THAP11: variants seen among roughly 807,000 people sequenced by gnomAD.
THAP11 encodes the protein THAP domain containing 11.
In THAP11, 8 loss-of-function variants were observed where a neutral mutation model predicts 24.1. That is an observed-to-expected ratio of 0.33 (90% CI 0.20 to 0.60). The LOEUF (loss-of-function observed/expected upper bound fraction) is 0.60. Ranked by LOEUF, THAP11 falls within the 20% of genes least tolerant of loss-of-function variation. THAP11 has a pLI of 0.82. For synonymous variants in THAP11, 222 were observed against 180.2 expected, an observed-to-expected ratio of 1.23 and a Z score of -1.86; for missense variants, 276 against 418.4, an observed-to-expected ratio of 0.66 and a Z score of 2.97.
In THAP11 at chr16:67,843,685, G is replaced by A. The variant is rs2057780211; in HGVS notation, c.*186G>A. 4 of 606,542 alleles carry A rather than the reference G, an allele frequency of 6.6e-6. No individual in the cohort carries two copies. Among genetic ancestry groups the A allele is most frequent in the Non-Finnish European group, 1.2e-5 (4 of 343,712 alleles). The allele number at this position is 606,542 out of a possible 1,614,324, so 37.6% of individuals were successfully genotyped here. The stretch of plus-strand genomic sequence containing the variant: ...TCCTGAAGTGGAAGCTGGGGCCTTA[G>A]ACTCTGCCCTGGTGACACCAGCAAT... On this transcript the variant is annotated 3_prime_UTR_variant, in exon 1 of 1. Transcript: ENST00000303596. This position sits in a 1 kb window ranked among gnomAD's most constrained non-coding sequence, Gnocchi z 5.7.
rs28434205 is a variant in THAP11 at position 67,842,902 on chromosome 16, A to C, written c.348A>C (p.Gln116His). 15 of 1,583,074 alleles carry C rather than the reference A, an allele frequency of 9.5e-6. No homozygotes were observed. The highest frequency in any genetic ancestry group is 1.2e-5 in the Non-Finnish European group (14 of 1,165,848). ...QQQQQQQQQQ[Q>H]QQQQQQQQQQ... is the part of the protein sequence containing the mutation. ...AGCAGCAGCAGCAGCAACAGCAGCA[A>C]CAGCAGCAGCAGCAGCAACAGCAGC... Residue 116 changes from glutamine (Q) to histidine (H), a missense_variant, in exon 1 of 1, where the codon CAA becomes CAC. Around this residue, in one of 3 missense-constraint regions of THAP11, gnomAD observed 210 missense variants for 203.4 expected, o/e 1.03. Transcript: ENST00000303596. This position sits in a 1 kb window ranked among gnomAD's most constrained non-coding sequence, Gnocchi z 4.9.
chr16:67,842,902 A>AGCAGCAACAGCAGCAG lies in THAP11; in HGVS notation c.348_349insGCAGCAACAGCAGCAG (p.Gln117AlafsTer128). 6.3e-7 allele frequency: 1 copy of AGCAGCAACAGCAGCAG among 1,583,136 alleles called. No homozygotes were observed. Among genetic ancestry groups the AGCAGCAACAGCAGCAG allele is most frequent in the Non-Finnish European group, 8.6e-7 (1 of 1,165,824 alleles). On this transcript the variant is annotated frameshift_variant, in exon 1 of 1. Transcript: ENST00000303596. LOFTEE classifies it high-confidence loss of function. The surrounding 1 kb of genome is among the most constrained non-coding windows in gnomAD (Gnocchi z 4.9). ...AGCAGCAGCAGCAGCAACAGCAGCA[A>AGCAGCAACAGCAGCAG]CAGCAGCAGCAGCAGCAACAGCAGC...
At position 67,842,979 on chromosome 16, in the gene THAP11, C is replaced by T. The variant is rs924997433; in HGVS notation, c.425C>T (p.Thr142Ile). 9.3e-6 allele frequency: 15 copies of T among 1,612,196 alleles called. No individual in the cohort carries two copies. In the Admixed American group the frequency reaches 2.2e-4, roughly 23 times the overall value. Reference sequence around the variant, plus strand: ...TCACCCTCTGCCTCCACTGCCCAGACTGCCCAGCTGCAGCCGAACCTGGTA... The same window carrying T: ...TCACCCTCTGCCTCCACTGCCCAGATTGCCCAGCTGCAGCCGAACCTGGTA... ...QSSPSASTAQ[T>I]AQLQPNLVSA... The change falls in exon 1 of 1, where the codon ACT becomes ATT. Residue 142 changes from threonine (T) to isoleucine (I), a missense_variant. Transcript: ENST00000303596. The surrounding 1 kb of genome is among the most constrained non-coding windows in gnomAD (Gnocchi z 4.9).
In THAP11 at chr16:67,843,623, C is replaced by G. The variant is rs957681927; in HGVS notation, c.*124C>G. On this transcript the variant is annotated 3_prime_UTR_variant, in exon 1 of 1. Coordinates refer to ENST00000303596, the MANE Select transcript of THAP11 (RefSeq NM_020457.3). The surrounding 1 kb of genome is among the most constrained non-coding windows in gnomAD (Gnocchi z 5.7). ...AGTACTGAGGCTTAAGGCAGCTGGACTCTCTTGCTGGTGACCTGGCATCCT... is the reference window on the plus strand; with the variant it reads ...AGTACTGAGGCTTAAGGCAGCTGGAGTCTCTTGCTGGTGACCTGGCATCCT... 3 of 997,422 alleles carry G rather than the reference C, an allele frequency of 3.0e-6. No homozygotes were observed. Among genetic ancestry groups the G allele is most frequent in the Non-Finnish European group, 2.9e-6 (2 of 688,632 alleles). The allele number at this position is 997,422 out of a possible 1,614,324, so 61.8% of individuals were successfully genotyped here.
Position 67,843,666 on chromosome 16 carries a change from A to G in THAP11, c.*167A>G. The G allele has an allele frequency of 4.4e-6, 3 of 674,230 alleles. No individual in the cohort carries two copies. The highest frequency in any genetic ancestry group is 7.5e-6 in the Non-Finnish European group (3 of 401,432). The allele number at this position is 674,230 out of a possible 1,614,324, so 41.8% of individuals were successfully genotyped here. ...GGCATCCTCAATTGTTTCCTCCTGA[A>G]GTGGAAGCTGGGGCCTTAGACTCTG... On this transcript the variant is annotated 3_prime_UTR_variant, in exon 1 of 1. Transcript: ENST00000303596. The surrounding 1 kb of genome is among the most constrained non-coding windows in gnomAD (Gnocchi z 5.7).
rs758392920 is a variant in THAP11, at chr16:67,842,865, A to G, written c.311A>G (p.Gln104Arg). ...PAGAAAARRRQQQQQQQQQQQ... is the reference protein window; with the variant it reads ...PAGAAAARRRRQQQQQQQQQQ... ...GGGGCCGCGGCCGCCCGCCGCAGGC[A>G]GCAGCAGCAACAGCAGCAGCAGCAG... The change falls in exon 1 of 1, where the codon CAG (glutamine) becomes CGG (arginine). Residue 104 changes from glutamine (Q) to arginine (R), a missense_variant. This residue lies in a region of THAP11 where 210 missense variants were observed against 203.4 expected (regional missense o/e 1.03). Transcript: ENST00000303596. This position sits in a 1 kb window ranked among gnomAD's most constrained non-coding sequence, Gnocchi z 4.9. 2.3e-5 allele frequency: 37 copies of G among 1,608,988 alleles called. No individual in the cohort carries two copies. The highest frequency in any genetic ancestry group is 3.1e-5 in the Non-Finnish European group (36 of 1,177,894).
rs369723488 is a variant in THAP11 at position 67,843,608 on chromosome 16, C to T, written c.*109C>T. The T allele has an allele frequency of 5.0e-5, 56 of 1,124,694 alleles. No individual in the cohort carries two copies. In the African/African-American group the frequency reaches 6.9e-4, roughly 14 times the overall value. 69.7% of individuals were successfully genotyped at this position (1,124,694 alleles called of 1,614,324 possible). A position where few individuals can be genotyped will look rare whatever the true frequency, so the allele number is the denominator to read the frequency against. On this transcript the variant is annotated 3_prime_UTR_variant, in exon 1 of 1. Transcript: ENST00000303596. The surrounding 1 kb of genome is among the most constrained non-coding windows in gnomAD (Gnocchi z 5.7). Reference sequence around the variant, plus strand: ...TGGGCACTGGTTGACAGTACTGAGGCTTAAGGCAGCTGGACTCTCTTGCTG... The same window carrying T: ...TGGGCACTGGTTGACAGTACTGAGGTTTAAGGCAGCTGGACTCTCTTGCTG...
rs2057769700 is a variant in THAP11, at chr16:67,842,586, G to A, written c.32G>A (p.Cys11Tyr). The A allele has an allele frequency of 1.9e-6, 3 of 1,545,672 alleles. No individual in the cohort carries two copies. Among genetic ancestry groups the A allele is most frequent in the Non-Finnish European group, 2.6e-6 (3 of 1,143,686 alleles). The change falls in exon 1 of 1, where the codon TGC (cysteine) becomes TAC (tyrosine). Residue 11 changes from cysteine to tyrosine, a missense_variant. By Grantham distance (194) the Cys-to-Tyr change is radical. Coordinates refer to ENST00000303596, the MANE Select transcript of THAP11 (RefSeq NM_020457.3). The surrounding 1 kb of genome is among the most constrained non-coding windows in gnomAD (Gnocchi z 4.9). MPGFTCCVPG[C>Y]YNNSHRDKAL... is the part of the protein sequence containing the mutation. ...GGCTTTACGTGCTGCGTGCCAGGCTGCTACAACAACTCGCACCGGGACAAG... is the reference window on the plus strand; with the variant it reads ...GGCTTTACGTGCTGCGTGCCAGGCTACTACAACAACTCGCACCGGGACAAG...
rs776444055 is a variant in THAP11, at chr16:67,842,569, G to A, written c.15G>A (p.Thr5=). 1.8e-4 allele frequency: 272 copies of A among 1,535,344 alleles called. No individual in the cohort carries two copies. The highest frequency in any genetic ancestry group is 2.3e-4 in the Non-Finnish European group (263 of 1,137,236). MPGF[T]CCVPGCYNNS... is the part of the protein sequence containing the mutation. ...GCGGCGCAGCCATGCCTGGCTTTAC[G>A]TGCTGCGTGCCAGGCTGCTACAACA... The change falls in exon 1 of 1, where the codon ACG becomes ACA. Residue 5 remains threonine, a synonymous_variant. Coordinates refer to ENST00000303596, the MANE Select transcript of THAP11 (RefSeq NM_020457.3). This position sits in a 1 kb window ranked among gnomAD's most constrained non-coding sequence, Gnocchi z 4.9.
rs2057781056 is a variant in THAP11 at position 67,843,850 on chromosome 16, C to T, written c.*351C>T. On this transcript the variant is annotated 3_prime_UTR_variant, in exon 1 of 1. Transcript: ENST00000303596. The surrounding 1 kb of genome is among the most constrained non-coding windows in gnomAD (Gnocchi z 5.7). ...GGACTATAGGTTTGGGAAAACCATACCTTAAGGTTGGTCAGCAGTCAGACA... is the reference window on the plus strand; with the variant it reads ...GGACTATAGGTTTGGGAAAACCATATCTTAAGGTTGGTCAGCAGTCAGACA... 4.2e-6 allele frequency: 1 copy of T among 239,626 alleles called. No individual in the cohort carries two copies. The highest frequency in any genetic ancestry group is 8.9e-6 in the Non-Finnish European group (1 of 112,924). The allele number at this position is 239,626 out of a possible 1,614,324, so 14.8% of individuals were successfully genotyped here.
rs762773277 is a variant in THAP11 at position 67,842,875 on chromosome 16, A to ACAGCAGCAG, written c.330_338dup (p.Gln130_Gln132dup). ...CCGCCCGCCGCAGGCAGCAGCAGCA[A>ACAGCAGCAG]CAGCAGCAGCAGCAGCAACAGCAGC... On this transcript the variant is annotated inframe_insertion, in exon 1 of 1. Coordinates refer to ENST00000303596, the MANE Select transcript of THAP11 (RefSeq NM_020457.3). This position sits in a 1 kb window ranked among gnomAD's most constrained non-coding sequence, Gnocchi z 4.9. 3.2e-5 allele frequency: 52 copies of ACAGCAGCAG among 1,600,164 alleles called. 1 individual carries two copies. Among genetic ancestry groups the ACAGCAGCAG allele is most frequent in the East Asian group, 2.5e-4 (11 of 44,756 alleles).
At position 67,842,723 on chromosome 16, in the gene THAP11, G is replaced by A; in HGVS notation, c.169G>A (p.Gly57Ser). 6.2e-7 allele frequency: 1 copy of A among 1,606,664 alleles called. No homozygotes were observed. Among genetic ancestry groups the A allele is most frequent in the Non-Finnish European group, 8.5e-7 (1 of 1,176,662 alleles). The part of the protein sequence containing the change: ...GCFSTFQPTT[G>S]HRLCSVHFQG... ...CTTCTCCACCTTCCAGCCCACCACA[G>A]GCCACCGTCTCTGCAGCGTTCACTT... Residue 57 changes from glycine to serine, a missense_variant, in exon 1 of 1, where the codon GGC (glycine) becomes AGC (serine). Around this residue, in one of 3 missense-constraint regions of THAP11, gnomAD observed 28 missense variants for 119.1 expected, o/e 0.24. Transcript: ENST00000303596. This position sits in a 1 kb window ranked among gnomAD's most constrained non-coding sequence, Gnocchi z 4.9.
chr16:67,843,661 C>G lies in THAP11; in HGVS notation c.*162C>G. The G allele has an allele frequency of 1.4e-6, 1 of 696,036 alleles. No individual in the cohort carries two copies. The highest frequency in any genetic ancestry group is 2.1e-5 in the South Asian group (1 of 48,664). 43.1% of individuals were successfully genotyped at this position (696,036 alleles called of 1,614,324 possible). ...GACCTGGCATCCTCAATTGTTTCCT[C>G]CTGAAGTGGAAGCTGGGGCCTTAGA... On this transcript the variant is annotated 3_prime_UTR_variant, in exon 1 of 1. Coordinates refer to ENST00000303596, the MANE Select transcript of THAP11 (RefSeq NM_020457.3). The surrounding 1 kb of genome is among the most constrained non-coding windows in gnomAD (Gnocchi z 5.7).
chr16:67,842,839 T>A lies in THAP11; in HGVS notation c.285T>A (p.Ala95=). 1 of 1,601,796 alleles carries A rather than the reference T, an allele frequency of 6.2e-7. No homozygotes were observed. The highest frequency in any genetic ancestry group is 8.5e-7 in the Non-Finnish European group (1 of 1,178,008). The part of the protein sequence containing the change: ...VNERKVARRP[A]GAAAARRRQQ... ...AGCGCAAAGTAGCGCGCAGACCCGC[T>A]GGGGCCGCGGCCGCCCGCCGCAGGC... The change falls in exon 1 of 1, where the codon GCT becomes GCA. Residue 95 remains alanine (A), a synonymous_variant. Coordinates refer to ENST00000303596, the MANE Select transcript of THAP11 (RefSeq NM_020457.3). This position sits in a 1 kb window ranked among gnomAD's most constrained non-coding sequence, Gnocchi z 4.9.
At position 67,843,053 on chromosome 16, in the gene THAP11, A is replaced by C. The variant is rs752567394; in HGVS notation, c.499A>C (p.Ser167Arg). Residue 167 changes from serine (S) to arginine (R), a missense_variant, in exon 1 of 1, where the codon AGT becomes CGT. This residue lies in a region of THAP11 where 210 missense variants were observed against 203.4 expected (regional missense o/e 1.03). Coordinates refer to ENST00000303596, the MANE Select transcript of THAP11 (RefSeq NM_020457.3). The surrounding 1 kb of genome is among the most constrained non-coding windows in gnomAD (Gnocchi z 5.7). ...CACCCTTCAGGCCACTGTAGACAGC[A>C]GTCAGGCTCCGGGATCCGTACAGCC... ...LLTLQATVDS[S>R]QAPGSVQPAP... 3.2e-5 allele frequency: 52 copies of C among 1,612,164 alleles called. No homozygotes were observed. Among genetic ancestry groups the C allele is most frequent in the Non-Finnish European group, 4.1e-5 (48 of 1,180,032 alleles).
At position 67,842,865 on chromosome 16, in the gene THAP11, A is replaced by T. The variant is rs758392920; in HGVS notation, c.311A>T (p.Gln104Leu). 6.2e-7 allele frequency: 1 copy of T among 1,609,092 alleles called. No individual in the cohort carries two copies. The highest frequency in any genetic ancestry group is 1.7e-5 in the Admixed American group (1 of 59,802). ...GGGGCCGCGGCCGCCCGCCGCAGGC[A>T]GCAGCAGCAACAGCAGCAGCAGCAG... is the stretch of plus-strand genomic sequence containing the variant. ...PAGAAAARRR[Q>L]QQQQQQQQQQ... is the part of the protein sequence containing the mutation. Residue 104 changes from glutamine to leucine, a missense_variant, in exon 1 of 1, where the codon CAG becomes CTG. Transcript: ENST00000303596. This position sits in a 1 kb window ranked among gnomAD's most constrained non-coding sequence, Gnocchi z 4.9.
rs761520095 is a variant in THAP11 at position 67,843,226 on chromosome 16, T to A, written c.672T>A (p.Pro224=). The A allele has an allele frequency of 4.3e-6, 7 of 1,611,934 alleles. No individual in the cohort carries two copies. The highest frequency in any genetic ancestry group is 4.2e-6 in the Non-Finnish European group (5 of 1,179,374). The part of the protein sequence containing the change: ...ATAGLEAAEC[P]MGPQLVVVGE... ...CAGGGCTGGAGGCTGCCGAGTGCCCTATGGGCCCCCAGTTGGTGGTGGTAG... is the reference window on the plus strand; with the variant it reads ...CAGGGCTGGAGGCTGCCGAGTGCCCAATGGGCCCCCAGTTGGTGGTGGTAG... The change falls in exon 1 of 1, where the codon CCT becomes CCA. Residue 224 remains proline (P), a synonymous_variant. Coordinates refer to ENST00000303596, the MANE Select transcript of THAP11 (RefSeq NM_020457.3). This position sits in a 1 kb window ranked among gnomAD's most constrained non-coding sequence, Gnocchi z 5.7.
rs2057769404 is a variant in THAP11, at chr16:67,842,547, G to T, written c.-8G>T. The T allele has an allele frequency of 6.6e-7, 1 of 1,508,436 alleles. No homozygotes were observed. The highest frequency in any genetic ancestry group is 2.5e-5 in the East Asian group (1 of 40,296). 93.4% of individuals were successfully genotyped at this position (1,508,436 alleles called of 1,614,324 possible). A position where few individuals can be genotyped will look rare whatever the true frequency, so the allele number is the denominator to read the frequency against. ...CCGGTGGGCCGGGCCGGGCCGCGCG[G>T]CGCAGCCATGCCTGGCTTTACGTGC... On this transcript the variant is annotated 5_prime_UTR_variant, in exon 1 of 1. Transcript: ENST00000303596. The surrounding 1 kb of genome is among the most constrained non-coding windows in gnomAD (Gnocchi z 4.9).
In THAP11 at chr16:67,844,174, TAAAC is replaced by T. The variant is rs2057782752; in HGVS notation, c.*679_*682del. 6.0e-6 allele frequency: 1 copy of T among 166,694 alleles called. No individual in the cohort carries two copies. Among genetic ancestry groups the T allele is most frequent in the South Asian group, 2.1e-4 (1 of 4,834 alleles). 10.3% of individuals were successfully genotyped at this position (166,694 alleles called of 1,614,324 possible). A position where few individuals can be genotyped will look rare whatever the true frequency, so the allele number is the denominator to read the frequency against. On this transcript the variant is annotated 3_prime_UTR_variant, in exon 1 of 1. Coordinates refer to ENST00000303596, the MANE Select transcript of THAP11 (RefSeq NM_020457.3). Reference sequence around the variant, plus strand: ...ACTGTGTTTGTTTGGCAAAACAAATTAAACAAAAAGTAAGGTTTTTATTTGGGTC... The same window carrying T: ...ACTGTGTTTGTTTGGCAAAACAAATTAAAAAGTAAGGTTTTTATTTGGGTC...
Sources: gnomAD v4.1 joint callset for allele counts on GRCh38, gnomAD v4.1.1 for gene constraint, gnomAD v4.1.1 regional missense constraint, Gnocchi (gnomAD v3.1) non-coding constraint, MANE v1.5 for transcripts, NCBI Gene and HGNC (gene_info 2026-07-23, HGNC 2026-07-21) for gene names.